The following CAMKMT variants were observed in gnomAD, a reference collection of about 807,000 sequenced individuals.
CAMKMT encodes the protein calmodulin-lysine N-methyltransferase.
A neutral mutation model predicts 48.0 loss-of-function variants in CAMKMT; 53 were observed. The ratio of observed to expected loss-of-function variants is 1.10; its 90% confidence interval spans 0.89 to 1.39. The LOEUF (loss-of-function observed/expected upper bound fraction) is 1.39, where lower values mean the gene tolerates loss of function less well. Ranked by LOEUF, CAMKMT falls within the 40% of genes most tolerant of loss-of-function variation. The pLI is 0.00. For synonymous variants in CAMKMT, 165 were observed against 152.3 expected, an observed-to-expected ratio of 1.08 and a Z score of -0.61; for missense variants, 428 against 402.7, an observed-to-expected ratio of 1.06 and a Z score of -0.54.
At chr2:44,484,519 C>G (rs1391637988) in intron 3 of CAMKMT, among the ~76,000 whole-genome samples, 1 of 151,632 alleles carries the variant, frequency 6.6e-6, no homozygotes, top group Non-Finnish European at 1.5e-5. Context: ...AACTGGATAA[C>G]CTCATGAAAA....
At chr2:44,666,997 T>C (rs1347836046) in intron 3 of CAMKMT, among the ~76,000 whole-genome samples, 2 of 152,212 alleles carry the variant, frequency 1.3e-5, no homozygotes, top group African/African-American at 4.8e-5. Context: ...CCTTAAATCT[T>C]TGTACAGCAG....
At chr2:44,685,851 G>T (rs1272215048) in intron 3 of CAMKMT, among the ~76,000 whole-genome samples, 2 of 151,996 alleles carry the variant, frequency 1.3e-5, no homozygotes, top group African/African-American at 4.8e-5. Flanking sequence ...GGAAACCAAG[G>T]CTTCACCTGG....
At chr2:44,647,679 G>T (rs1478999791) in intron 3 of CAMKMT, among the ~76,000 whole-genome samples, 1 of 151,954 alleles carries the variant, frequency 6.6e-6, no homozygotes, top group African/African-American at 2.4e-5. Context: ...GCTGAGGCGG[G>T]TGGATCACGA....
At chr2:44,623,665 A>G (rs1009821693) in intron 3 of CAMKMT, among the ~76,000 whole-genome samples, 3 of 152,002 alleles carry the variant, frequency 2.0e-5, no homozygotes, top group Non-Finnish European at 2.9e-5. Context: ...TGTGTTCTTT[A>G]TTCTGTTCCA....
rs76070097 is a variant in CAMKMT at position 44,696,790 on chromosome 2, A to C, written c.377-7493A>C. On this transcript the variant is annotated intron_variant, in intron 3 of 10. Coordinates refer to ENST00000378494, the MANE Select transcript of CAMKMT (RefSeq NM_024766.5). Reference sequence around the variant, plus strand: ...AACAGAAAAAAACAACTTGAAAAAAACAGACTTTATAAAGATGAGAAAACT... The same window carrying C: ...AACAGAAAAAAACAACTTGAAAAAACCAGACTTTATAAAGATGAGAAAACT... Among the ~76,000 whole-genome samples the C allele has an allele frequency of 2.6e-5, 4 of 152,332 alleles. No homozygotes were observed. The East Asian group carries it at 7.7e-4, about 29-fold the overall frequency.
intron 3 of CAMKMT, among the ~76,000 whole-genome samples, chr2:44,479,536 G>A (rs948366694): frequency 6.6e-6 from 1 of 152,196 alleles, no homozygotes. Context: ...GCCACCTGCT[G>A]TTAAGAAAAG....
intron 3 of CAMKMT, among the ~76,000 whole-genome samples, chr2:44,560,566 C>T (rs1340977284): frequency 6.6e-6 from 1 of 152,166 alleles, no homozygotes; most frequent in East Asian, 1.9e-4. Context: ...GCCACGGTGC[C>T]CAGCAGGTGG....
At chr2:44,678,052 GA>G (rs199636228) in intron 3 of CAMKMT, among the ~76,000 whole-genome samples, 164 of 145,342 alleles carry the variant, frequency 1.1e-3, no homozygotes, top group African/African-American at 3.8e-3. Flanking sequence ...TTTTCAATAA[GA>G]AAAAAAAAAG....
At chr2:44,538,214 A>G (rs1306716328) in intron 3 of CAMKMT, among the ~76,000 whole-genome samples, 1 of 151,956 alleles carries the variant, frequency 6.6e-6, no homozygotes, top group East Asian at 1.9e-4. Context: ...CTAAAAATAC[A>G]AAAATTTAGC....
chr2:44,512,825 A>C (rs1462384019), intron 3 of CAMKMT, among the ~76,000 whole-genome samples: 1 of 144,296 alleles, frequency 6.9e-6, no homozygotes, highest in African/African-American at 2.5e-5. Flanking sequence ...AGATAAATGC[A>C]AACCAACTTC....
intron 3 of CAMKMT, among the ~76,000 whole-genome samples, chr2:44,469,984 G>T (rs1668330855): frequency 1.3e-5 from 2 of 150,300 alleles, no homozygotes; most frequent in Non-Finnish European, 1.5e-5. Flanking sequence ...ATTTCTTCTA[G>T]CTTGTTTGGA....
At chr2:44,536,644 G>T (rs557734980) in intron 3 of CAMKMT, among the ~76,000 whole-genome samples, 1 of 151,684 alleles carries the variant, frequency 6.6e-6, no homozygotes, top group Non-Finnish European at 1.5e-5. Flanking sequence ...GTTATTTTTC[G>T]TAGAAATAGA....
chr2:44,587,318 A>G (rs1669912060), intron 3 of CAMKMT, among the ~76,000 whole-genome samples: 1 of 152,212 alleles, frequency 6.6e-6, no homozygotes, highest in Admixed American at 6.5e-5. Flanking sequence ...TTCTTTCAGC[A>G]ATATTTTGCA....
chr2:44,365,456 C>T (rs1678489839), intron 1 of CAMKMT, among the ~76,000 whole-genome samples: 2 of 152,174 alleles, frequency 1.3e-5, no homozygotes. Flanking sequence ...GAATCAATAT[C>T]AGTAGAGGTT....
chr2:44,370,071 T>G (rs1185059967), intron 1 of CAMKMT: 1 of 152,112 alleles, frequency 6.6e-6, no homozygotes, highest in East Asian at 1.9e-4. Context: ...AGCAGAGGTG[T>G]TAAGAGTTTA....
chr2:44,535,879 G>A (rs961839013), intron 3 of CAMKMT, among the ~76,000 whole-genome samples: 19 of 152,086 alleles, frequency 1.2e-4, no homozygotes, highest in African/African-American at 4.6e-4. Flanking sequence ...GAACAATCAG[G>A]CAAGAGGAAG....
chr2:44,429,633 C>G (rs555592532), intron 3 of CAMKMT, among the ~76,000 whole-genome samples: 10 of 151,882 alleles, frequency 6.6e-5, no homozygotes, highest in African/African-American at 1.9e-4. Context: ...AACCCCGTCT[C>G]TACTAAAAAT....
At chr2:44,503,049 A>T (rs983401795) in intron 3 of CAMKMT, among the ~76,000 whole-genome samples, 1 of 152,120 alleles carries the variant, frequency 6.6e-6, no homozygotes, top group Non-Finnish European at 1.5e-5. Flanking sequence ...GGGCATTTTT[A>T]TTCTGTTCCA....
chr2:44,531,264 A>G (rs933437588), intron 3 of CAMKMT, among the ~76,000 whole-genome samples: 3 of 152,152 alleles, frequency 2.0e-5, no homozygotes, highest in Admixed American at 6.5e-5. Flanking sequence ...TGGGTCTAAT[A>G]CACCAGGGTC....
Sources: gnomAD v4.1 joint callset for allele counts (sites outside exome capture counted in the v4.1 genomes callset) on GRCh38, gnomAD v4.1.1 for gene constraint, MANE v1.5 for transcripts, NCBI Gene and HGNC (gene_info 2026-07-23, HGNC 2026-07-21) for gene names.